Variants in SYT14 observed in about 807,000 individuals in gnomAD.
SYT14 encodes the protein synaptotagmin 14, also known as synaptotagmin-14.
SYT14 carries 32 observed loss-of-function variants against 74.2 expected under a neutral mutation model. The ratio of observed to expected loss-of-function variants is 0.43; its 90% CI spans 0.33 to 0.58. The LOEUF is 0.58. Ranked by LOEUF, SYT14 falls within the 20% of genes least tolerant of loss-of-function variation. SYT14 has a pLI of 0.05. For synonymous variants in SYT14, 298 were observed against 337.7 expected, an observed-to-expected ratio of 0.88 and a Z score of 1.29; for missense variants, 791 against 981.8, an observed-to-expected ratio of 0.81 and a Z score of 2.60.
intron 4 of SYT14, among the ~76,000 whole-genome samples, chr1:210,020,406 G>C (rs563266851): frequency 6.6e-6 from 1 of 152,134 alleles, no homozygotes; most frequent in African/African-American, 2.4e-5. Context: ...AATAGAATTG[G>C]TAAATTCCTG....
At chr1:210,149,273 C>T (rs774007011) in intron 7 of SYT14, among the ~76,000 whole-genome samples, 14 of 150,616 alleles carry the variant, frequency 9.3e-5, no homozygotes, top group Non-Finnish European at 1.8e-4. Flanking sequence ...CAACCTCCAC[C>T]TCGCAGGTTC....
chr1:210,083,207 G>T (rs561361480), intron 5 of SYT14, among the ~76,000 whole-genome samples: 5 of 152,070 alleles, frequency 3.3e-5, no homozygotes, highest in East Asian at 1.9e-4. Flanking sequence ...GGCCAGGCTG[G>T]TCTCAAACTC....
At chr1:210,136,709 A>C (rs1436201622) in intron 7 of SYT14, among the ~76,000 whole-genome samples, 1 of 152,120 alleles carries the variant, frequency 6.6e-6, no homozygotes, top group East Asian at 1.9e-4. Context: ...TGTAGTTAGC[A>C]CCTGTTTTAC....
At position 210,016,385 on chromosome 1, in the gene SYT14, ACT is replaced by A. The variant is rs1475400798; in HGVS notation, c.385_386del (p.Leu129IlefsTer8). ...TAAACATGTTAATGATAGGCAACAA[ACT>A]CTATCAGAATATCAAGACACTGGTA... On this transcript the variant is annotated frameshift_variant, in exon 4 of 10. Transcript: ENST00000637265. LOFTEE classifies it high-confidence loss of function. 5 of 1,231,892 alleles carry A rather than the reference ACT, an allele frequency of 4.1e-6. No individual in the cohort carries two copies. Among genetic ancestry groups the A allele is most frequent in the East Asian group, 6.3e-5 (2 of 31,696 alleles). The allele number at this position is 1,231,892 out of a possible 1,614,324, so 76.3% of individuals were successfully genotyped here. A position where few individuals can be genotyped will look rare whatever the true frequency, so the allele number is the denominator to read the frequency against.
intron 7 of SYT14, among the ~76,000 whole-genome samples, chr1:210,103,183 G>GA (rs1444444820): frequency 6.6e-6 from 1 of 151,394 alleles, no homozygotes; most frequent in African/African-American, 2.4e-5. Flanking sequence ...CTGATTGAGA[G>GA]AAAAAAAAGA....
intron 2 of SYT14, among the ~76,000 whole-genome samples, chr1:209,955,115 T>G (rs1322782579): frequency 6.6e-6 from 1 of 152,236 alleles, no homozygotes; most frequent in African/African-American, 2.4e-5. Context: ...GGTCCTGGGC[T>G]TACTTCGTTT....
exon 10 of SYT14, chr1:210,161,155 CT>C (rs1162515436): frequency 2.5e-6 from 3 of 1,190,082 alleles, no homozygotes; most frequent in Non-Finnish European, 3.7e-6. Flanking sequence ...CATATTCAAC[CT>C]TCTACCAAAA....
At chr1:209,973,201 C>T (rs574012757) in intron 2 of SYT14, among the ~76,000 whole-genome samples, 17 of 150,678 alleles carry the variant, frequency 1.1e-4, no homozygotes, top group African/African-American at 3.4e-4. Context: ...ATAGATCTTT[C>T]ATTTCATTTT....
rs189115517 is a variant in SYT14, at chr1:210,079,754, G to A, written c.1313-14568G>A. 1.1e-4 allele frequency among the ~76,000 whole-genome samples: 17 copies of A among 152,272 alleles called. No homozygotes were observed. In the East Asian group the frequency reaches 2.9e-3, roughly 26 times the overall value. ...ATATGATCCATGAGAGAAAGCAAAC[G>A]AATGAGGAAATACCTATGAAGACCC... On this transcript the variant is annotated intron_variant, in intron 5 of 9. Coordinates refer to ENST00000637265, the Ensembl canonical transcript of SYT14.
chr1:210,162,825 A>G lies in SYT14; in HGVS notation c.*1783A>G, dbSNP rs191354600. On this transcript the variant is annotated 3_prime_UTR_variant, in exon 10 of 10. Coordinates refer to ENST00000637265, the Ensembl canonical transcript of SYT14. ...TCATACACATGAATTATAAGAAAAAATACAAATGCTATATTGGATGACATG... is the reference window on the plus strand; with the variant it reads ...TCATACACATGAATTATAAGAAAAAGTACAAATGCTATATTGGATGACATG... The G allele has an allele frequency of 3.3e-5, 15 of 452,178 alleles. No individual in the cohort carries two copies. In the Middle Eastern group the frequency reaches 2.1e-3, roughly 63 times the overall value. The allele number at this position is 452,178 out of a possible 1,614,324, so 28.0% of individuals were successfully genotyped here.
At chr1:210,119,861 C>T (rs1012368589) in intron 7 of SYT14, among the ~76,000 whole-genome samples, 1 of 152,192 alleles carries the variant, frequency 6.6e-6, no homozygotes, top group Non-Finnish European at 1.5e-5. Flanking sequence ...CTGGGTACTT[C>T]ACAAGGTTGT....
In SYT14 at chr1:210,021,813, T is replaced by C. The variant is rs550805475; in HGVS notation, c.1312+559T>C. 2.0e-4 allele frequency among the ~76,000 whole-genome samples: 31 copies of C among 152,312 alleles called. No homozygotes were observed. In the South Asian group the frequency reaches 6.2e-3, roughly 31 times the overall value. ...ATTCTTTAAAGGCAATTTAAGGTAT[T>C]TTCAAGGATTTCAGTAATTTGAAGG... On this transcript the variant is annotated intron_variant, in intron 5 of 9. Coordinates refer to ENST00000637265, the Ensembl canonical transcript of SYT14.
At chr1:210,071,704 T>A (rs1293376390) in intron 5 of SYT14, among the ~76,000 whole-genome samples, 3 of 151,960 alleles carry the variant, frequency 2.0e-5, no homozygotes, top group African/African-American at 7.2e-5. Flanking sequence ...GAAGAAAGAT[T>A]TGGTTGCTAC....
At chr1:210,142,714 A>G (rs1028795154) in intron 7 of SYT14, among the ~76,000 whole-genome samples, 1 of 152,178 alleles carries the variant, frequency 6.6e-6, no homozygotes, top group Admixed American at 6.5e-5. Flanking sequence ...GGATGACCTG[A>G]TTGAGCATAG....
At chr1:210,100,164 A>G (rs746026886) in exon 7 of SYT14, 9 of 1,613,984 alleles carry the variant, frequency 5.6e-6, no homozygotes, top group East Asian at 4.5e-5. Context: ...ACATCCCAAC[A>G]TATAACAGGA....
At chr1:210,014,749 C>T (rs1482841372) in intron 3 of SYT14, among the ~76,000 whole-genome samples, 1 of 152,060 alleles carries the variant, frequency 6.6e-6, no homozygotes, top group Non-Finnish European at 1.5e-5. Flanking sequence ...CAGTGTTTCT[C>T]ATATTCCACT....
intron 4 of SYT14, among the ~76,000 whole-genome samples, chr1:210,019,213 A>G (rs1348789184): frequency 6.7e-6 from 1 of 149,950 alleles, no homozygotes; most frequent in Non-Finnish European, 1.5e-5. Context: ...ATGTTTTTTA[A>G]TAGGTGAAGT....
chr1:210,047,402 T>G (rs2080905985), intron 5 of SYT14, among the ~76,000 whole-genome samples: 3 of 152,168 alleles, frequency 2.0e-5, no homozygotes, highest in Admixed American at 2.0e-4. Flanking sequence ...TTTACTTGAT[T>G]TTATTTTATT....
At chr1:210,026,598 T>A (rs2080416502) in intron 5 of SYT14, among the ~76,000 whole-genome samples, 1 of 132,868 alleles carries the variant, frequency 7.5e-6, no homozygotes, top group African/African-American at 2.9e-5. Context: ...TCTTAGGGTA[T>A]ATAGCTTACA....
Sources: allele counts gnomAD v4.1 joint callset (sites outside exome capture counted in the v4.1 genomes callset), GRCh38; gene constraint gnomAD v4.1.1; transcripts MANE v1.5; gene names NCBI Gene and HGNC (gene_info 2026-07-23, HGNC 2026-07-21).